CNGB3: variants seen among roughly 807,000 people sequenced by gnomAD.
CNGB3 encodes cyclic nucleotide gated channel subunit beta 3.
A neutral mutation model predicts 92.8 loss-of-function variants in CNGB3; 86 were observed. The ratio of observed to expected loss-of-function variants is 0.93; its 90% CI spans 0.78 to 1.11. The LOEUF (loss-of-function observed/expected upper bound fraction) is 1.11. Among genes scored for constraint, CNGB3 ranks in the 50% least tolerant of loss-of-function variants. The pLI is 0.00. For synonymous variants in CNGB3, 333 were observed against 332.7 expected (o/e 1.00, Z -0.01); for missense variants, 1,026 against 956.8 (o/e 1.07, Z -0.95).
intron 3 of CNGB3, among the ~76,000 whole-genome samples, chr8:86,722,953 G>A (rs1353932827): frequency 3.3e-5 from 5 of 151,966 alleles, no homozygotes; most frequent in Admixed American, 6.6e-5. Context: ...CTCCATAATC[G>A]CATGAGTCAA....
chr8:86,671,243 G>T lies in CNGB3; in HGVS notation c.339-145C>A, dbSNP rs28407382. On this transcript the variant is annotated intron_variant, in intron 3 of 17. Transcript: ENST00000320005. Reference sequence around the variant, plus strand: ...TTGAATAGCACAATTCAAACATTAGGTTTAATGGAAATAGTGCTGGTGGAA... The same window carrying T: ...TTGAATAGCACAATTCAAACATTAGTTTTAATGGAAATAGTGCTGGTGGAA... The T allele has an allele frequency of 2.1e-3, 1,786 of 854,012 alleles. 26 individuals are homozygous for T. The African/African-American group carries it at 0.025, about 12-fold the overall frequency. 52.9% of individuals were successfully genotyped at this position (854,012 alleles called of 1,614,324 possible).
Position 86,735,042 on chromosome 8 carries a change from G to GGTTTTTTTTTTTTTTTT in CNGB3, c.211+4612_211+4613insAAAAAAAAAAAAAAAAC, listed in dbSNP as rs1554618958. On this transcript the variant is annotated intron_variant, in intron 2 of 17. Coordinates refer to ENST00000320005, the MANE Select transcript of CNGB3 (RefSeq NM_019098.5). ...CATGTCAAATTCTCAAATGCCGGTG[G>GGTTTTTTTTTTTTTTTT]TTTTTTTTTTTTTTTTTTTTTTTTT... Among the ~76,000 whole-genome samples the GGTTTTTTTTTTTTTTTT allele has an allele frequency of 2.6e-4, 22 of 85,870 alleles. 6 individuals carry two copies. The highest frequency in any genetic ancestry group is 3.3e-4 in the Non-Finnish European group (16 of 47,916). 56.3% of individuals were successfully genotyped at this position (85,870 alleles called of 152,430 possible).
Position 86,614,702 on chromosome 8 carries a change from C to T in CNGB3, c.1579-3031G>A, listed in dbSNP as rs145228123. ...GACACGGGTCAGACGAAAGCCACAA[C>T]GGCATCGGCCAATATAAACAAATTC... On this transcript the variant is annotated intron_variant, in intron 13 of 17. Coordinates refer to ENST00000320005, the MANE Select transcript of CNGB3 (RefSeq NM_019098.5). Among the ~76,000 whole-genome samples, 79 of 152,250 alleles carry T rather than the reference C, an allele frequency of 5.2e-4. No individual in the cohort carries two copies. The East Asian group carries it at 0.012, about 24-fold the overall frequency.
At chr8:86,678,777 G>T (rs1182129721) in intron 3 of CNGB3, among the ~76,000 whole-genome samples, 2 of 152,058 alleles carry the variant, frequency 1.3e-5, no homozygotes, top group African/African-American at 4.8e-5. Context: ...TTCATAGATT[G>T]TGAATTTATA....
intron 15 of CNGB3, chr8:86,593,920 G>A: frequency 1.7e-6 from 1 of 574,154 alleles, no homozygotes; most frequent in Non-Finnish European, 3.2e-6. Flanking sequence ...CTGTGTGCCA[G>A]GGGCAGAAGG....
At chr8:86,669,498 C>G (rs1033011082) in intron 4 of CNGB3, among the ~76,000 whole-genome samples, 1 of 152,170 alleles carries the variant, frequency 6.6e-6, no homozygotes, top group African/African-American at 2.4e-5. Context: ...AGCCAGAGAT[C>G]CGAAACACTG....
intron 2 of CNGB3, among the ~76,000 whole-genome samples, chr8:86,727,043 A>ACTG (rs1172425094): frequency 6.6e-6 from 1 of 152,182 alleles, no homozygotes; most frequent in Non-Finnish European, 1.5e-5. Context: ...GCAGCATGTT[A>ACTG]CTGTAATAAA....
intron 3 of CNGB3, among the ~76,000 whole-genome samples, chr8:86,672,915 C>T (rs1823888830): frequency 6.6e-6 from 1 of 152,168 alleles, no homozygotes; most frequent in Non-Finnish European, 1.5e-5. Context: ...GACCAACGGG[C>T]AGTGAACATA....
intron 15 of CNGB3, among the ~76,000 whole-genome samples, chr8:86,600,614 CT>C (rs559441292): frequency 1.4e-3 from 195 of 135,378 alleles, no homozygotes; most frequent in Non-Finnish European, 1.7e-3. Context: ...TTTTTTTTTT[CT>C]TTTTTTTTTT....
At chr8:86,710,997 C>G (rs1824738998) in intron 3 of CNGB3, among the ~76,000 whole-genome samples, 2 of 152,118 alleles carry the variant, frequency 1.3e-5, no homozygotes, top group African/African-American at 4.8e-5. Context: ...AACTGGTGAC[C>G]TATAGCTGTG....
chr8:86,699,530 A>G (rs1824513034), intron 3 of CNGB3, among the ~76,000 whole-genome samples: 2 of 152,178 alleles, frequency 1.3e-5, no homozygotes, highest in Admixed American at 1.3e-4. Context: ...TATTGCATAT[A>G]AGTACCATTT....
In CNGB3 at chr8:86,574,597, AC is replaced by A. The variant is rs1821624146; in HGVS notation, c.*1206del. On this transcript the variant is annotated 3_prime_UTR_variant, in exon 18 of 18. Transcript: ENST00000320005. ...TTTTTGGCTAATATGATTTGTTAAA[AC>A]CCTCTCAGCAAAGTGCTGTTACAGT... 1 of 152,180 alleles carries A rather than the reference AC, an allele frequency of 6.6e-6. No individual in the cohort carries two copies. The highest frequency in any genetic ancestry group is 1.5e-5 in the Non-Finnish European group (1 of 68,030). The allele number at this position is 152,180 out of a possible 1,614,324, so 9.4% of individuals were successfully genotyped here.
intron 9 of CNGB3, 23 bp downstream of exon 9, chr8:86,644,599 A>G (rs367624400): frequency 6.3e-7 from 1 of 1,598,996 alleles, no homozygotes; most frequent in Non-Finnish European, 8.5e-7. Flanking sequence ...CCCTTCCCCC[A>G]AGTATACTGA....
rs577602066 is a variant in CNGB3 at position 86,594,605 on chromosome 8, G to A, written c.1781+9488C>T. Reference sequence around the variant, plus strand: ...CTTCACCCTGAGAGGGATGCAAAGCGCAGGGCAGCGAGTGTGTCCCTGACT... The same window carrying A: ...CTTCACCCTGAGAGGGATGCAAAGCACAGGGCAGCGAGTGTGTCCCTGACT... On this transcript the variant is annotated intron_variant, in intron 15 of 17. Transcript: ENST00000320005. The A allele has an allele frequency of 1.1e-4, 26 of 240,876 alleles. 1 individual carries two copies. The East Asian group carries it at 2.8e-3, about 25-fold the overall frequency. The allele number at this position is 240,876 out of a possible 1,614,324, so 14.9% of individuals were successfully genotyped here. A position where few individuals can be genotyped will look rare whatever the true frequency, so the allele number is the denominator to read the frequency against.
chr8:86,628,786 A>T, intron 12 of CNGB3, 133 bp downstream of exon 12: 2 of 983,362 alleles, frequency 2.0e-6, no homozygotes, highest in South Asian at 1.4e-5. Context: ...CTGTAGCATT[A>T]AACGAATGCT....
At chr8:86,729,048 C>A (rs1373337435) in intron 2 of CNGB3, among the ~76,000 whole-genome samples, 1 of 152,034 alleles carries the variant, frequency 6.6e-6, no homozygotes, top group Admixed American at 6.6e-5. Flanking sequence ...ATCGCTGGAA[C>A]TACAGGCATG....
intron 2 of CNGB3, among the ~76,000 whole-genome samples, chr8:86,735,144 C>CTTTTTTTTTTTT (rs10689543): frequency 2.5e-5 from 2 of 81,270 alleles, no homozygotes; most frequent in Non-Finnish European, 4.1e-5. Context: ...AAATGGTTGC[C>CTTTTTTTTTTTT]TTTTTTTTTT....
chr8:86,622,666 C>T (rs1366716886), intron 13 of CNGB3, among the ~76,000 whole-genome samples: 1 of 152,184 alleles, frequency 6.6e-6, no homozygotes, highest in African/African-American at 2.4e-5. Context: ...CATCCTGCCT[C>T]CACCTCCCAA....
chr8:86,602,044 C>G (rs906488965), intron 15 of CNGB3, among the ~76,000 whole-genome samples: 1 of 152,204 alleles, frequency 6.6e-6, no homozygotes, highest in Non-Finnish European at 1.5e-5. Context: ...AAAGCTTATT[C>G]TTCAGGGAGT....
Sources: gnomAD v4.1 joint callset for allele counts (sites outside exome capture counted in the v4.1 genomes callset) on GRCh38, gnomAD v4.1.1 for gene constraint, MANE v1.5 for transcripts, NCBI Gene and HGNC (gene_info 2026-07-23, HGNC 2026-07-21) for gene names.